IKZF1: variants seen among roughly 807,000 people sequenced by gnomAD.
The protein encoded by IKZF1 is IKAROS family zinc finger 1, also known as DNA-binding protein Ikaros.
In IKZF1, 10 loss-of-function variants were observed where a neutral mutation model predicts 51.7. The observed-to-expected ratio is 0.19, with a 90% CI of 0.12 to 0.33. The LOEUF is 0.33. Ranked by LOEUF, IKZF1 falls within the 10% of genes least tolerant of loss-of-function variation. The pLI is 1.00. For missense variants in IKZF1, 484 were observed against 707.5 expected, an observed-to-expected ratio of 0.68 and a Z score of 3.58; for synonymous variants, 280 against 282.3, an observed-to-expected ratio of 0.99 and a Z score of 0.08.
chr7:50,350,752 A>C (rs1172571602), intron 3 of IKZF1, among the ~76,000 whole-genome samples: 1 of 151,704 alleles, frequency 6.6e-6, no homozygotes, highest in Non-Finnish European at 1.5e-5. Context: ...TTACTCATAA[A>C]TGTAGATCTT....
chr7:50,309,809 A>C (rs1789719426), intron 1 of IKZF1, among the ~76,000 whole-genome samples: 1 of 152,188 alleles, frequency 6.6e-6, no homozygotes, highest in Admixed American at 6.5e-5. Flanking sequence ...CCCTAGACCT[A>C]ATGGGAAAAA....
chr7:50,337,230 G>A lies in IKZF1; in HGVS notation c.160+9473G>A, dbSNP rs1486338470. Among the ~76,000 whole-genome samples the A allele has an allele frequency of 3.9e-5, 6 of 152,216 alleles. No homozygotes were observed. In the South Asian group the frequency reaches 1.0e-3, roughly 26 times the overall value. On this transcript the variant is annotated intron_variant, in intron 3 of 7. Coordinates refer to ENST00000331340, the MANE Select transcript of IKZF1 (RefSeq NM_006060.6). ...TCGGGGGTCACAGGACTAGGGGATGGTATTTACAGGGTAGTCTTTTTAGGA... is the reference window on the plus strand; with the variant it reads ...TCGGGGGTCACAGGACTAGGGGATGATATTTACAGGGTAGTCTTTTTAGGA...
intron 7 of IKZF1, among the ~76,000 whole-genome samples, chr7:50,399,202 A>T (rs1817475049): frequency 6.6e-6 from 1 of 152,086 alleles, no homozygotes; most frequent in Admixed American, 6.6e-5. Context: ...CCTACCCTCC[A>T]CCACATGTTT....
At position 50,401,870 on chromosome 7, in the gene IKZF1, T is replaced by C; in HGVS notation, c.*1243T>C. 2 of 225,764 alleles carry C rather than the reference T, an allele frequency of 8.9e-6. No homozygotes were observed. Among genetic ancestry groups the C allele is most frequent in the Non-Finnish European group, 1.8e-5 (2 of 113,246 alleles). The allele number at this position is 225,764 out of a possible 1,614,324, so 14.0% of individuals were successfully genotyped here. ...TTTGAAACCAAGCTTTCAAACATGT[T>C]GAAGCTCTTTACTGTAAAGGCAAGC... On this transcript the variant is annotated 3_prime_UTR_variant, in exon 8 of 8. Transcript: ENST00000331340.
Position 50,387,427 on chromosome 7 carries a change from C to T in IKZF1, c.672C>T (p.His224=), listed in dbSNP as rs1272399019. 3.1e-6 allele frequency: 5 copies of T among 1,612,606 alleles called. No individual in the cohort carries two copies. Among genetic ancestry groups the T allele is most frequent in the African/African-American group, 1.3e-5 (1 of 74,872 alleles). ...TAGAGGAACATAAAGAGCGCTGCCA[C>T]AACTACTTGGAAAGCATGGGCCTTC... ...SSLEEHKERC[H]NYLESMGLPG... Residue 224 remains histidine, a synonymous_variant, in exon 6 of 8, where the codon CAC becomes CAT. Transcript: ENST00000331340.
At chr7:50,353,130 GTGA>G (rs1446390006) in intron 3 of IKZF1, among the ~76,000 whole-genome samples, 5 of 16,034 alleles carry the variant, frequency 3.1e-4, no homozygotes, top group African/African-American at 6.9e-4. Context: ...GGGCTGCCCA[GTGA>G]GTGGTCTGCT....
At chr7:50,399,337 CA>C (rs1392351087) in intron 7 of IKZF1, among the ~76,000 whole-genome samples, 1 of 151,550 alleles carries the variant, frequency 6.6e-6, no homozygotes, top group Non-Finnish European at 1.5e-5. Flanking sequence ...CATTTTATTA[CA>C]AAAAATATAC....
At chr7:50,337,128 C>T (rs1797987553) in intron 3 of IKZF1, among the ~76,000 whole-genome samples, 1 of 151,926 alleles carries the variant, frequency 6.6e-6, no homozygotes, top group Non-Finnish European at 1.5e-5. Context: ...GGGAGCGGCA[C>T]AGGAGAGGAG....
At chr7:50,345,079 A>T (rs1480573828) in intron 3 of IKZF1, among the ~76,000 whole-genome samples, 1 of 152,048 alleles carries the variant, frequency 6.6e-6, no homozygotes, top group Non-Finnish European at 1.5e-5. Flanking sequence ...TATAATTAAA[A>T]TATTCTTAGA....
chr7:50,311,762 G>C (rs936019822), intron 1 of IKZF1, among the ~76,000 whole-genome samples: 1 of 152,076 alleles, frequency 6.6e-6, no homozygotes, highest in Non-Finnish European at 1.5e-5. Context: ...TTACTTGTAC[G>C]TTAAGATAAT....
chr7:50,387,508 T>TC (rs778472165), intron 6 of IKZF1, 38 bp downstream of exon 6: 11 of 1,581,994 alleles, frequency 7.0e-6, no homozygotes, highest in African/African-American at 1.4e-5. Context: ...TGGTGGGCTC[T>TC]CCCCCCAGCA....
At chr7:50,353,716 C>T (rs1802480958) in intron 3 of IKZF1, among the ~76,000 whole-genome samples, 1 of 152,212 alleles carries the variant, frequency 6.6e-6, no homozygotes, top group African/African-American at 2.4e-5. Flanking sequence ...TCAAGGGGCT[C>T]TCTTTTCAGC....
intron 3 of IKZF1, among the ~76,000 whole-genome samples, chr7:50,374,679 T>G (rs984445012): frequency 6.6e-5 from 10 of 152,340 alleles, no homozygotes; most frequent in Middle Eastern, 3.4e-3. Flanking sequence ...CCCCAACCAC[T>G]ATCCTCAGCT....
At chr7:50,384,100 A>G (rs1812654471) in intron 5 of IKZF1, among the ~76,000 whole-genome samples, 1 of 152,238 alleles carries the variant, frequency 6.6e-6, no homozygotes, top group African/African-American at 2.4e-5. Context: ...GAGACTTCCC[A>G]TAGAAGGGAG....
intron 3 of IKZF1, among the ~76,000 whole-genome samples, chr7:50,344,148 G>C (rs1036727879): frequency 1.3e-5 from 2 of 152,222 alleles, no homozygotes; most frequent in African/African-American, 4.8e-5. Flanking sequence ...GGATGTGTGG[G>C]GCAGGCCTAC....
At position 50,394,908 on chromosome 7, in the gene IKZF1, A is replaced by G. The variant is rs189497494; in HGVS notation, c.850+3045A>G. Among the ~76,000 whole-genome samples, 1,175 of 152,344 alleles carry G rather than the reference A, an allele frequency of 7.7e-3. 15 individuals are homozygous for G. Among genetic ancestry groups the G allele is most frequent in the African/African-American group, 0.025 (1,043 of 41,572 alleles). ...AGAAAAGGGCTTGTATTAAATAGCA[A>G]TGATAATTGTTGTTTTTAGTCTGTC... On this transcript the variant is annotated intron_variant, in intron 7 of 7. Transcript: ENST00000331340.
intron 1 of IKZF1, among the ~76,000 whole-genome samples, chr7:50,318,837 T>C (rs963842696): frequency 4.6e-5 from 7 of 152,198 alleles, no homozygotes; most frequent in Admixed American, 4.6e-4. Context: ...GTGCTTGTAA[T>C]GATATTTTTA....
intron 3 of IKZF1, among the ~76,000 whole-genome samples, chr7:50,364,068 A>G (rs2153451085): frequency 6.6e-6 from 1 of 152,356 alleles, no homozygotes; most frequent in East Asian, 1.9e-4. Flanking sequence ...TCTCCTAAAT[A>G]CAAATCTGAA....
At chr7:50,384,127 T>A (rs947977802) in intron 5 of IKZF1, among the ~76,000 whole-genome samples, 2 of 152,164 alleles carry the variant, frequency 1.3e-5, no homozygotes, top group African/African-American at 4.8e-5. Context: ...CTGAAGTACA[T>A]GCTGGAAGGC....
Sources: allele counts gnomAD v4.1 joint callset (sites outside exome capture counted in the v4.1 genomes callset), GRCh38; gene constraint gnomAD v4.1.1; transcripts MANE v1.5; gene names NCBI Gene and HGNC (gene_info 2026-07-23, HGNC 2026-07-21).